The following VCPIP1 variants were observed in gnomAD, a reference collection of about 807,000 sequenced individuals.
VCPIP1 encodes deubiquitinating protein VCPIP1.
In VCPIP1, 8 loss-of-function variants were observed where a neutral mutation model predicts 85.0. The ratio of observed to expected loss-of-function variants is 0.09; its 90% confidence interval spans 0.06 to 0.17. The LOEUF (loss-of-function observed/expected upper bound fraction) is 0.17. VCPIP1 is among the 10% of genes least tolerant of loss of function. VCPIP1 has a pLI of 1.00. For missense variants in VCPIP1, 1,070 were observed against 1,486.3 expected, an observed-to-expected ratio of 0.72 and a Z score of 4.61; for synonymous variants, 543 against 544.5, an observed-to-expected ratio of 1.00 and a Z score of 0.04.
chr8:66,664,470 T>C lies in VCPIP1; in HGVS notation c.2489A>G (p.Gln830Arg). ...AACTGGTTCCTTTTCCATTCCTGCC[T>C]GTGGTGGCATTAACTCTTTAGGAGG... ...GFPPKELMPPQAGMEKEPVPL... is the reference protein window; with the variant it reads ...GFPPKELMPPRAGMEKEPVPL... Residue 830 changes from glutamine (Q) to arginine (R), a missense_variant, in exon 1 of 3, where the codon CAG becomes CGG. By Grantham distance (43) the Gln-to-Arg change is conservative. This residue lies in a region of VCPIP1 where 278 missense variants were observed against 298.5 expected (regional missense o/e 0.93). Transcript: ENST00000310421. 1 of 1,613,988 alleles carries C rather than the reference T, an allele frequency of 6.2e-7. No individual in the cohort carries two copies. Among genetic ancestry groups the C allele is most frequent in the African/African-American group, 1.3e-5 (1 of 75,052 alleles).
In VCPIP1 at chr8:66,665,933, T is replaced by C. The variant is rs772937746; in HGVS notation, c.1026A>G (p.Pro342=). 11 of 1,614,188 alleles carry C rather than the reference T, an allele frequency of 6.8e-6. No homozygotes were observed. In the South Asian group the frequency reaches 9.9e-5, roughly 14 times the overall value. ...CGGAGCTGCTCCATGCAATACAGAT[T>C]GGTTTGTTCAAATGACCATCTTTCC... ...CTGKDGHLNK[P]ICIAWSSSGR... Residue 342 remains proline (P), a synonymous_variant, in exon 1 of 3, where the codon CCA becomes CCG. Coordinates refer to ENST00000310421, the MANE Select transcript of VCPIP1 (RefSeq NM_025054.5). This position sits in a 1 kb window ranked among gnomAD's most constrained non-coding sequence, Gnocchi z 4.3.
At chr8:66,643,483 C>T (rs2130156491) in intron 2 of VCPIP1, among the ~76,000 whole-genome samples, 1 of 152,100 alleles carries the variant, frequency 6.6e-6, no homozygotes, top group East Asian at 1.9e-4. Context: ...GGGTAGATCT[C>T]TTAAGGCCAG....
chr8:66,664,701 T>C lies in VCPIP1; in HGVS notation c.2258A>G (p.Asp753Gly), dbSNP rs1289596371. 6.2e-7 allele frequency: 1 copy of C among 1,613,800 alleles called. No homozygotes were observed. Among genetic ancestry groups the C allele is most frequent in the East Asian group, 2.2e-5 (1 of 44,892 alleles). Residue 753 changes from aspartate (D) to glycine (G), a missense_variant, in exon 1 of 3, where the codon GAT (aspartate) becomes GGT (glycine). Physicochemically the swap from Asp to Gly is moderately conservative, Grantham distance 94. Coordinates refer to ENST00000310421, the MANE Select transcript of VCPIP1 (RefSeq NM_025054.5). ...TGTAGCAGGTGCAGAGGATGGACCATCACGAATGGTACTGGGAGAAACAGT... is the reference window on the plus strand; with the variant it reads ...TGTAGCAGGTGCAGAGGATGGACCACCACGAATGGTACTGGGAGAAACAGT... ...PRTVSPSTIRDGPSSAPATPT... is the reference protein window; with the variant it reads ...PRTVSPSTIRGGPSSAPATPT...
In VCPIP1 at chr8:66,665,334, T is replaced by G; in HGVS notation, c.1625A>C (p.His542Pro). The G allele has an allele frequency of 6.2e-7, 1 of 1,614,036 alleles. No individual in the cohort carries two copies. The highest frequency in any genetic ancestry group is 8.5e-7 in the Non-Finnish European group (1 of 1,179,890). The stretch of plus-strand genomic sequence containing the variant: ...TCTGACCTTTCGCACAGATGTGCCA[T>G]GGCACCAATTACAAGCTGTTAGGTT... ...MSNLTACNWC[H>P]GTSVRKVRGD... Residue 542 changes from histidine (H) to proline (P), a missense_variant, in exon 1 of 3, where the codon CAT (histidine) becomes CCT (proline). Transcript: ENST00000310421. The surrounding 1 kb of genome is among the most constrained non-coding windows in gnomAD (Gnocchi z 4.3).
Position 66,629,542 on chromosome 8 carries a change from T to A in VCPIP1, c.*4959A>T, listed in dbSNP as rs1212803702. On this transcript the variant is annotated 3_prime_UTR_variant, in exon 3 of 3. Coordinates refer to ENST00000310421, the MANE Select transcript of VCPIP1 (RefSeq NM_025054.5). ...CAGTAAGCATTATGGCCCAATTATG[T>A]AATATGTCTAAAGAAATTTTGCTGG... is the stretch of plus-strand genomic sequence containing the variant. 6.6e-6 allele frequency: 1 copy of A among 152,204 alleles called. No individual in the cohort carries two copies. The highest frequency in any genetic ancestry group is 1.5e-5 in the Non-Finnish European group (1 of 68,034). The allele number at this position is 152,204 out of a possible 1,614,324, so 9.4% of individuals were successfully genotyped here.
At chr8:66,650,153 T>C (rs1811038015) in intron 2 of VCPIP1, among the ~76,000 whole-genome samples, 1 of 152,118 alleles carries the variant, frequency 6.6e-6, no homozygotes, top group East Asian at 1.9e-4. Context: ...ACCAATGTAC[T>C]TACAGGTGAA....
chr8:66,630,035 A>C lies in VCPIP1; in HGVS notation c.*4466T>G, dbSNP rs530679866. On this transcript the variant is annotated 3_prime_UTR_variant, in exon 3 of 3. Coordinates refer to ENST00000310421, the MANE Select transcript of VCPIP1 (RefSeq NM_025054.5). ...CATGCATTATAATTCCAGGAAACTAAAGAACATAAAATTACCTTTAAAAGC... is the reference window on the plus strand; with the variant it reads ...CATGCATTATAATTCCAGGAAACTACAGAACATAAAATTACCTTTAAAAGC... The C allele has an allele frequency of 2.0e-5, 3 of 152,322 alleles. No homozygotes were observed. The South Asian group carries it at 6.2e-4, about 32-fold the overall frequency. The allele number at this position is 152,322 out of a possible 1,614,324, so 9.4% of individuals were successfully genotyped here.
At chr8:66,652,276 T>C (rs979045999) in intron 1 of VCPIP1, among the ~76,000 whole-genome samples, 10 of 152,180 alleles carry the variant, frequency 6.6e-5, no homozygotes, top group Non-Finnish European at 1.3e-4. Context: ...CAAAGGAAAC[T>C]AGTCTGTAAA....
At position 66,666,352 on chromosome 8, in the gene VCPIP1, T is replaced by C; in HGVS notation, c.607A>G (p.Lys203Glu). The C allele has an allele frequency of 6.2e-7, 1 of 1,614,176 alleles. No individual in the cohort carries two copies. Among genetic ancestry groups the C allele is most frequent in the Non-Finnish European group, 8.5e-7 (1 of 1,180,024 alleles). Residue 203 changes from lysine to glutamate, a missense_variant, in exon 1 of 3, where the codon AAA (lysine) becomes GAA (glutamate). Lys to Glu is a moderately conservative substitution (Grantham distance 56). This residue lies in a region of VCPIP1 where 118 missense variants were observed against 337.1 expected (regional missense o/e 0.35). Transcript: ENST00000310421. This position sits in a 1 kb window ranked among gnomAD's most constrained non-coding sequence, Gnocchi z 6.3. ...DTLEDIKRAN[K>E]SQECLIPVHV... ...ACTGGAATGAGACATTCCTGGCTTT[T>C]ATTGGCCCGCTTAATGTCCTCCAGA...
intron 1 of VCPIP1, among the ~76,000 whole-genome samples, chr8:66,660,436 G>C (rs1421244619): frequency 6.6e-6 from 1 of 152,216 alleles, no homozygotes; most frequent in African/African-American, 2.4e-5. Context: ...AACCTACTTA[G>C]AATGGTCAGC....
chr8:66,638,474 C>G (rs1810910697), intron 2 of VCPIP1, among the ~76,000 whole-genome samples: 1 of 106,322 alleles, frequency 9.4e-6, no homozygotes. Context: ...GAGTAAAACC[C>G]CATCTCAAAA....
At position 66,664,436 on chromosome 8, in the gene VCPIP1, C is replaced by T. The variant is rs748646448; in HGVS notation, c.2523G>A (p.Gln841=). The part of the protein sequence containing the change: ...AGMEKEPVPL[Q]HGDRITIEIL... The stretch of plus-strand genomic sequence containing the variant: ...TTTCTATTGTAATTCTGTCGCCATG[C>T]TGTAAAGGAACTGGTTCCTTTTCCA... The change falls in exon 1 of 3, where the codon CAG becomes CAA. Residue 841 remains glutamine (Q), a synonymous_variant. Coordinates refer to ENST00000310421, the MANE Select transcript of VCPIP1 (RefSeq NM_025054.5). 6.2e-7 allele frequency: 1 copy of T among 1,613,740 alleles called. No homozygotes were observed. Among genetic ancestry groups the T allele is most frequent in the Non-Finnish European group, 8.5e-7 (1 of 1,179,650 alleles).
chr8:66,646,451 C>A (rs2130160890), intron 2 of VCPIP1, among the ~76,000 whole-genome samples: 1 of 152,272 alleles, frequency 6.6e-6, no homozygotes, highest in African/African-American at 2.4e-5. Context: ...AATGCAATCA[C>A]AATAAAAATC....
chr8:66,639,392 T>C (rs1212009440), intron 2 of VCPIP1, among the ~76,000 whole-genome samples: 2 of 144,524 alleles, frequency 1.4e-5, no homozygotes, highest in Non-Finnish European at 3.0e-5. Flanking sequence ...CTCAGCTCTG[T>C]TGCCTAGGCT....
At chr8:66,639,612 C>T (rs1248306194) in intron 2 of VCPIP1, among the ~76,000 whole-genome samples, 1 of 151,962 alleles carries the variant, frequency 6.6e-6, no homozygotes, top group Non-Finnish European at 1.5e-5. Flanking sequence ...AGGCATGGAC[C>T]ACTGTACCTG....
chr8:66,650,974 C>T (rs1394253172), intron 2 of VCPIP1, among the ~76,000 whole-genome samples: 1 of 150,702 alleles, frequency 6.6e-6, no homozygotes, highest in Non-Finnish European at 1.5e-5. Flanking sequence ...CACCTGAGGT[C>T]GGGAGTTCAA....
rs1035138168 is a variant in VCPIP1, at chr8:66,631,958, T to C, written c.*2543A>G. The C allele has an allele frequency of 4.6e-5, 7 of 151,690 alleles. No homozygotes were observed. The highest frequency in any genetic ancestry group is 2.1e-4 in the South Asian group (1 of 4,820). 9.4% of individuals were successfully genotyped at this position (151,690 alleles called of 1,614,324 possible). A position where few individuals can be genotyped will look rare whatever the true frequency, so the allele number is the denominator to read the frequency against. ...AACTTAAATTTGGTATGATTAACTA[T>C]AAAATGGATTACTGAAGAAAAAATT... is the stretch of plus-strand genomic sequence containing the variant. On this transcript the variant is annotated 3_prime_UTR_variant, in exon 3 of 3. Transcript: ENST00000310421.
At chr8:66,636,328 G>A (rs1471487408) in intron 2 of VCPIP1, among the ~76,000 whole-genome samples, 3 of 149,478 alleles carry the variant, frequency 2.0e-5, no homozygotes, top group African/African-American at 7.4e-5. Context: ...AAGAATCATA[G>A]TTCCACACAT....
At position 66,667,012 on chromosome 8, in the gene VCPIP1, T is replaced by C. The variant is rs898529997; in HGVS notation, c.-54A>G. On this transcript the variant is annotated 5_prime_UTR_variant, in exon 1 of 3. The change abolishes an upstream ATG in the 5' untranslated region. Coordinates refer to ENST00000310421, the MANE Select transcript of VCPIP1 (RefSeq NM_025054.5). ...GTCCCAGGCGACCCTCAAAAGCTCA[T>C]AGCCCAGACCCCCACCAACCCGACT... is the stretch of plus-strand genomic sequence containing the variant. The C allele has an allele frequency of 1.8e-5, 26 of 1,461,624 alleles. No individual in the cohort carries two copies. The African/African-American group carries it at 1.9e-4, about 10-fold the overall frequency. The allele number at this position is 1,461,624 out of a possible 1,614,324, so 90.5% of individuals were successfully genotyped here.
Sources: gnomAD v4.1 joint callset for allele counts (sites outside exome capture counted in the v4.1 genomes callset) on GRCh38, gnomAD v4.1.1 for gene constraint, gnomAD v4.1.1 regional missense constraint, Gnocchi (gnomAD v3.1) non-coding constraint, MANE v1.5 for transcripts, NCBI Gene and HGNC (gene_info 2026-07-23, HGNC 2026-07-21) for gene names.